The following MAST4 variants were observed in gnomAD, a reference collection of about 807,000 sequenced individuals.
MAST4 encodes microtubule associated serine/threonine kinase family member 4, also known as microtubule-associated serine/threonine-protein kinase 4.
Under a neutral mutation model 162.7 loss-of-function variants are expected in MAST4, and 89 were observed. That is an observed-to-expected ratio of 0.55 (90% confidence interval 0.46 to 0.65). The LOEUF is 0.65. MAST4 is among the 30% of genes least tolerant of loss of function. MAST4 has a pLI of 0.00. For missense variants in MAST4, 3,153 were observed against 3,374.0 expected (o/e 0.93, Z 1.62); for synonymous variants, 1,479 against 1,361.1 (o/e 1.09, Z -1.91).
chr5:66,922,678 A>C (rs1489603748), intron 4 of MAST4, among the ~76,000 whole-genome samples: 1 of 152,202 alleles, frequency 6.6e-6, no homozygotes, highest in Non-Finnish European at 1.5e-5. Context: ...AGGACTCTTG[A>C]GATGTATGAA....
chr5:67,085,316 T>C (rs1429562256), intron 5 of MAST4, among the ~76,000 whole-genome samples: 1 of 152,202 alleles, frequency 6.6e-6, no homozygotes. Context: ...CCATCTCTCT[T>C]ACCTTGTCTG....
intron 6 of MAST4, chr5:67,094,092 A>C (rs1764156727): frequency 1.9e-6 from 2 of 1,076,446 alleles, no homozygotes; most frequent in Non-Finnish European, 2.7e-6. Flanking sequence ...GTATATTTAC[A>C]TACATCTTAC....
chr5:66,774,321 T>G (rs570117092), intron 2 of MAST4, among the ~76,000 whole-genome samples: 1 of 152,252 alleles, frequency 6.6e-6, no homozygotes, highest in African/African-American at 2.4e-5. Context: ...TTTTGCTCCA[T>G]TTTGCTAGCT....
chr5:66,798,489 C>T (rs1755762979), intron 3 of MAST4, among the ~76,000 whole-genome samples: 1 of 152,172 alleles, frequency 6.6e-6, no homozygotes, highest in Non-Finnish European at 1.5e-5. Context: ...TTCTGTTCCT[C>T]CTGTCTGTCA....
intron 4 of MAST4, among the ~76,000 whole-genome samples, chr5:66,923,068 A>G (rs1248508371): frequency 2.0e-5 from 3 of 152,212 alleles, no homozygotes; most frequent in African/African-American, 7.2e-5. Context: ...TATCTCCTAG[A>G]TGGCCAGGCT....
At chr5:66,917,668 G>A (rs1764208548) in intron 4 of MAST4, among the ~76,000 whole-genome samples, 1 of 150,394 alleles carries the variant, frequency 6.6e-6, no homozygotes, top group African/African-American at 2.5e-5. Context: ...ATTTTTCATG[G>A]GATTGAAATG....
intron 1 of MAST4, among the ~76,000 whole-genome samples, chr5:66,651,170 G>A (rs1323078844): frequency 6.6e-6 from 1 of 151,936 alleles, no homozygotes; most frequent in Non-Finnish European, 1.5e-5. Context: ...TAGCAGATTT[G>A]ATTGAGAATC....
chr5:66,870,857 G>GT (rs765725514), intron 3 of MAST4: 1 of 471,502 alleles, frequency 2.1e-6, no homozygotes, highest in South Asian at 1.5e-5. Flanking sequence ...TCAAAAGTGA[G>GT]TGTGTCCTGT....
At chr5:66,865,475 A>G (rs1352285324) in intron 3 of MAST4, among the ~76,000 whole-genome samples, 1 of 152,262 alleles carries the variant, frequency 6.6e-6, no homozygotes, top group Non-Finnish European at 1.5e-5. Flanking sequence ...TATTACAAAG[A>G]CATGTTTTCA....
intron 4 of MAST4, among the ~76,000 whole-genome samples, chr5:66,991,308 C>T (rs568878226): frequency 6.6e-6 from 1 of 152,244 alleles, no homozygotes; most frequent in Non-Finnish European, 1.5e-5. Flanking sequence ...TTTCCTTTCT[C>T]CTCGAAAATT....
intron 4 of MAST4, chr5:66,986,510 A>T (rs746517867): frequency 1.9e-6 from 3 of 1,554,088 alleles, no homozygotes; most frequent in Non-Finnish European, 2.6e-6. Context: ...TAAATAAAAC[A>T]TATCCAAAGC....
intron 3 of MAST4, chr5:66,871,002 C>T (rs1331452800): frequency 8.2e-6 from 3 of 365,378 alleles, no homozygotes; most frequent in African/African-American, 6.4e-5. Context: ...TCTATTAAAT[C>T]AAGACCATAC....
intron 1 of MAST4, among the ~76,000 whole-genome samples, chr5:66,655,230 T>C (rs77792588): frequency 0.024 from 3,717 of 152,234 alleles, 162 homozygotes; most frequent in African/African-American, 0.086. Flanking sequence ...TGTTAGAAGA[T>C]TGCTGCACAT....
At chr5:66,739,474 G>C (rs1267456642) in intron 1 of MAST4, among the ~76,000 whole-genome samples, 2 of 152,138 alleles carry the variant, frequency 1.3e-5, no homozygotes, top group East Asian at 3.9e-4. Context: ...CTTGCTCCAA[G>C]GAGTTTTTAG....
At chr5:66,933,098 CAA>C (rs1742345927) in intron 4 of MAST4, among the ~76,000 whole-genome samples, 1 of 152,154 alleles carries the variant, frequency 6.6e-6, no homozygotes, top group African/African-American at 2.4e-5. Context: ...TTGCATATCT[CAA>C]GTTTATTATT....
chr5:66,895,083 A>G (rs1034164379), intron 3 of MAST4, among the ~76,000 whole-genome samples: 4 of 151,904 alleles, frequency 2.6e-5, no homozygotes, highest in African/African-American at 4.8e-5. Flanking sequence ...TCTGGGTTTG[A>G]TTTTTTGGTT....
chr5:66,882,452 A>C (rs1761752373), intron 3 of MAST4, among the ~76,000 whole-genome samples: 1 of 151,904 alleles, frequency 6.6e-6, no homozygotes, highest in African/African-American at 2.4e-5. Flanking sequence ...TTGGCAATTC[A>C]TTTGGGATAA....
At chr5:66,617,104 A>G (rs1743744591) in intron 1 of MAST4, among the ~76,000 whole-genome samples, 2 of 152,242 alleles carry the variant, frequency 1.3e-5, no homozygotes, top group East Asian at 1.9e-4. Flanking sequence ...AAAGGAAAGC[A>G]TTAAAATGGA....
At chr5:66,675,090 A>C (rs1326096594) in intron 1 of MAST4, among the ~76,000 whole-genome samples, 1 of 152,154 alleles carries the variant, frequency 6.6e-6, no homozygotes, top group Non-Finnish European at 1.5e-5. Context: ...ATGCATTCTG[A>C]ACTGCCCTCG....
Sources: allele counts gnomAD v4.1 joint callset (sites outside exome capture counted in the v4.1 genomes callset), GRCh38; gene constraint gnomAD v4.1.1; transcripts MANE v1.5; gene names NCBI Gene and HGNC (gene_info 2026-07-23, HGNC 2026-07-21).